The following SLC35A1 variants were observed in gnomAD, a reference collection of about 807,000 sequenced individuals.
The protein encoded by SLC35A1 is CMP-sialic acid transporter.
A neutral mutation model predicts 40.3 loss-of-function variants in SLC35A1; 21 were observed. The observed-to-expected ratio is 0.52, with a 90% confidence interval of 0.37 to 0.75. The LOEUF is 0.75. Among genes scored for constraint, SLC35A1 ranks in the 30% least tolerant of loss-of-function variants. SLC35A1 has a pLI of 0.00. For missense variants in SLC35A1, 297 were observed against 382.1 expected, an observed-to-expected ratio of 0.78 and a Z score of 1.86; for synonymous variants, 146 against 147.3, an observed-to-expected ratio of 0.99 and a Z score of 0.06.
Position 87,511,426 on chromosome 6 carries a change from T to G in SLC35A1, c.914T>G (p.Leu305Arg). 1.2e-6 allele frequency: 2 copies of G among 1,614,004 alleles called. No individual in the cohort carries two copies. The highest frequency in any genetic ancestry group is 1.7e-6 in the Non-Finnish European group (2 of 1,179,888). Residue 305 changes from leucine (L) to arginine (R), a missense_variant, in exon 8 of 8, where the codon CTT becomes CGT. Leu to Arg is a moderately radical substitution (Grantham distance 102, BLOSUM62 -2). Transcript: ENST00000369552. ...ITLTFALGTL[L>R]VCVSIYLYGL... ...CTCACCTTTGCCCTGGGTACTCTTCTTGTATGTGTTTCCATATATCTCTAT... is the reference window on the plus strand; with the variant it reads ...CTCACCTTTGCCCTGGGTACTCTTCGTGTATGTGTTTCCATATATCTCTAT...
At chr6:87,485,314 A>T (rs553022173) in intron 2 of SLC35A1, among the ~76,000 whole-genome samples, 37 of 151,352 alleles carry the variant, frequency 2.4e-4, no homozygotes, top group Non-Finnish European at 4.7e-4. Flanking sequence ...AAATGAAATT[A>T]GACTTTTTTC....
intron 2 of SLC35A1, among the ~76,000 whole-genome samples, chr6:87,488,955 C>A (rs796243515): frequency 1.3e-5 from 2 of 152,176 alleles, no homozygotes; most frequent in South Asian, 4.1e-4. Flanking sequence ...CAATCTAGGT[C>A]AAAGGGCTGA....
chr6:87,484,303 G>A (rs544286463), intron 2 of SLC35A1, among the ~76,000 whole-genome samples: 1 of 152,270 alleles, frequency 6.6e-6, no homozygotes, highest in Non-Finnish European at 1.5e-5. Flanking sequence ...AATCCCAGAT[G>A]AGCCCCTAAA....
chr6:87,479,460 G>T (rs924846231), intron 2 of SLC35A1, among the ~76,000 whole-genome samples: 5 of 152,078 alleles, frequency 3.3e-5, no homozygotes, highest in Non-Finnish European at 7.4e-5. Context: ...TCCATTTACC[G>T]AACCACTTTT....
chr6:87,508,687 T>A (rs1770163037), intron 6 of SLC35A1, 91 bp downstream of exon 6: 1 of 1,072,354 alleles, frequency 9.3e-7, no homozygotes, highest in East Asian at 2.5e-5. Flanking sequence ...CATTTTGAAA[T>A]TAATCCTTTG....
In SLC35A1 at chr6:87,509,081, T is replaced by C. The variant is rs571916119; in HGVS notation, c.792T>C (p.Val264=). ...GTGGCCTCTACACTTCTGTTGTGGTTAAGTACACAGACAACATCATGAAAG... is the reference window on the plus strand; with the variant it reads ...GTGGCCTCTACACTTCTGTTGTGGTCAAGTACACAGACAACATCATGAAAG... ...SVGGLYTSVV[V]KYTDNIMKGF... The change falls in exon 7 of 8, where the codon GTT becomes GTC. Residue 264 remains valine, a synonymous_variant. Transcript: ENST00000369552. The C allele has an allele frequency of 6.2e-7, 1 of 1,614,162 alleles. No individual in the cohort carries two copies. Among genetic ancestry groups the C allele is most frequent in the African/African-American group, 1.3e-5 (1 of 75,060 alleles).
At chr6:87,510,187 T>C (rs1393969669) in intron 7 of SLC35A1, among the ~76,000 whole-genome samples, 1 of 152,212 alleles carries the variant, frequency 6.6e-6, no homozygotes, top group African/African-American at 2.4e-5. Flanking sequence ...AGAGTAGTGT[T>C]TGACACTACT....
At chr6:87,488,411 A>G (rs1175216306) in intron 2 of SLC35A1, 1 of 152,246 alleles carries the variant, frequency 6.6e-6, no homozygotes, top group African/African-American at 2.4e-5. Context: ...GTTTAGAGAA[A>G]TGGAAGGCAG....
At chr6:87,479,083 A>G (rs1209102733) in intron 2 of SLC35A1, among the ~76,000 whole-genome samples, 1 of 152,224 alleles carries the variant, frequency 6.6e-6, no homozygotes, top group East Asian at 1.9e-4. Flanking sequence ...GGTAATCAGA[A>G]AAGGTTGCTT....
intron 2 of SLC35A1, among the ~76,000 whole-genome samples, chr6:87,495,331 A>G (rs145233339): frequency 2.0e-3 from 301 of 152,362 alleles, no homozygotes; most frequent in African/African-American, 7.0e-3. Context: ...GTAAATGTTA[A>G]TGTACATACA....
chr6:87,508,899 T>G (rs1260979612), intron 6 of SLC35A1, 142 bp from the exon 7 acceptor site: 2 of 900,836 alleles, frequency 2.2e-6, no homozygotes, highest in East Asian at 5.1e-5. Context: ...TAGTACAAAC[T>G]CTCAGATGGC....
intron 2 of SLC35A1, among the ~76,000 whole-genome samples, chr6:87,485,342 G>A (rs1769362745): frequency 6.6e-6 from 1 of 152,144 alleles, no homozygotes; most frequent in African/African-American, 2.4e-5. Flanking sequence ...TCAAATCAAG[G>A]AAGACTTTAT....
chr6:87,496,092 C>G (rs1244841078), intron 2 of SLC35A1: 2 of 152,104 alleles, frequency 1.3e-5, no homozygotes, highest in Non-Finnish European at 2.9e-5. Context: ...GTAACCTAGC[C>G]AAGGATTTTA....
At chr6:87,473,136 G>C (rs1465637393) in intron 1 of SLC35A1, 117 bp downstream of exon 1, 2 of 405,506 alleles carry the variant, frequency 4.9e-6, no homozygotes, top group African/African-American at 4.1e-5. Flanking sequence ...TGCCTCTGGG[G>C]CCTGGCTGAG....
Position 87,477,521 on chromosome 6 carries a change from G to A in SLC35A1, c.176G>A (p.Ser59Asn), listed in dbSNP as rs1195788892. Reference sequence around the variant, plus strand: ...ACAGAAGTTATAAAGTTATTGCTAAGTGTGGGAATTTTAGCTAAGTGAGTA... The same window carrying A: ...ACAGAAGTTATAAAGTTATTGCTAAATGTGGGAATTTTAGCTAAGTGAGTA... ...CITEVIKLLL[S>N]VGILAKETGS... is the part of the protein sequence containing the mutation. The change falls in exon 2 of 8, where the codon AGT becomes AAT. Residue 59 changes from serine (S) to asparagine (N), a missense_variant. Coordinates refer to ENST00000369552, the MANE Select transcript of SLC35A1 (RefSeq NM_006416.5). 6.2e-7 allele frequency: 1 copy of A among 1,613,676 alleles called. No individual in the cohort carries two copies. Among genetic ancestry groups the A allele is most frequent in the Non-Finnish European group, 8.5e-7 (1 of 1,179,732 alleles).
At chr6:87,481,736 T>C (rs1769251548) in intron 2 of SLC35A1, among the ~76,000 whole-genome samples, 1 of 152,228 alleles carries the variant, frequency 6.6e-6, no homozygotes, top group Non-Finnish European at 1.5e-5. Flanking sequence ...TTTATAAAAT[T>C]TGTTAAAGAG....
At chr6:87,474,495 T>C (rs1319824451) in intron 1 of SLC35A1, among the ~76,000 whole-genome samples, 2 of 152,196 alleles carry the variant, frequency 1.3e-5, no homozygotes, top group African/African-American at 4.8e-5. Flanking sequence ...TGGCTGCCAG[T>C]TGAGTTGTGG....
intron 2 of SLC35A1, among the ~76,000 whole-genome samples, chr6:87,483,489 C>T (rs1410545099): frequency 1.1e-5 from 1 of 95,224 alleles, no homozygotes; most frequent in Non-Finnish European, 2.1e-5. Flanking sequence ...TGGGATTTTT[C>T]ACCTCTTTTG....
At chr6:87,501,832 A>G (rs1213983677) in intron 4 of SLC35A1, among the ~76,000 whole-genome samples, 1 of 152,232 alleles carries the variant, frequency 6.6e-6, no homozygotes, top group Non-Finnish European at 1.5e-5. Flanking sequence ...ATTGATAATT[A>G]TCTTTAGTTT....
Sources: allele counts gnomAD v4.1 joint callset (sites outside exome capture counted in the v4.1 genomes callset), GRCh38; gene constraint gnomAD v4.1.1; transcripts MANE v1.5; gene names NCBI Gene and HGNC (gene_info 2026-07-23, HGNC 2026-07-21).